PGR: variants seen among roughly 807,000 people sequenced by gnomAD.
The protein encoded by PGR is nuclear receptor subfamily 3 group C member 3.
Under a neutral mutation model 76.1 loss-of-function variants are expected in PGR, and 25 were observed. That is an observed-to-expected ratio of 0.33 (90% CI 0.24 to 0.46). The LOEUF (loss-of-function observed/expected upper bound fraction) is 0.46. Ranked by LOEUF, PGR falls within the 20% of genes least tolerant of loss-of-function variation. The pLI is 1.00. For missense variants in PGR, 1,172 were observed against 1,225.3 expected, an observed-to-expected ratio of 0.96 and a Z score of 0.65; for synonymous variants, 579 against 535.0, an observed-to-expected ratio of 1.08 and a Z score of -1.14.
At chr11:101,118,570 A>G (rs541920853) in intron 2 of PGR, among the ~76,000 whole-genome samples, 101 of 152,318 alleles carry the variant, frequency 6.6e-4, no homozygotes, top group Non-Finnish European at 7.4e-5. Flanking sequence ...AGTACACAAC[A>G]CAAGACGCTG....
At chr11:101,047,388 A>ATT (rs1232672872) in intron 6 of PGR, among the ~76,000 whole-genome samples, 1 of 152,182 alleles carries the variant, frequency 6.6e-6, no homozygotes, top group Non-Finnish European at 1.5e-5. Context: ...CTGTATTATT[A>ATT]AATGTATTCC....
chr11:101,114,788 G>A (rs1341262121), intron 2 of PGR, among the ~76,000 whole-genome samples: 1 of 151,912 alleles, frequency 6.6e-6, no homozygotes, highest in East Asian at 1.9e-4. Flanking sequence ...CAGGTCCTTA[G>A]TGCACCATCC....
chr11:101,052,929 A>T (rs1860148941), intron 4 of PGR, among the ~76,000 whole-genome samples: 1 of 152,190 alleles, frequency 6.6e-6, no homozygotes, highest in Non-Finnish European at 1.5e-5. Context: ...GGGAGAAAAT[A>T]GTTTTGGATA....
At chr11:101,121,534 T>C (rs1184598575) in intron 2 of PGR, among the ~76,000 whole-genome samples, 4 of 152,246 alleles carry the variant, frequency 2.6e-5, no homozygotes, top group Non-Finnish European at 4.4e-5. Flanking sequence ...TAAAAGTATT[T>C]CATTTCTGTC....
rs11224573 is a variant in PGR at position 101,050,166 on chromosome 11, A to C, written c.2358-107T>G. On this transcript the variant is annotated intron_variant, in intron 5 of 7. Coordinates refer to ENST00000325455, the MANE Select transcript of PGR (RefSeq NM_000926.4). ...AATATGGTTTTGGTAATTACCTTAC[A>C]TATTATTGAAAATGACTACTACTTT... 2,735 of 1,110,992 alleles carry C rather than the reference A, an allele frequency of 2.5e-3. 37 individuals carry two copies. The African/African-American group carries it at 0.035, about 14-fold the overall frequency. 68.8% of individuals were successfully genotyped at this position (1,110,992 alleles called of 1,614,324 possible).
At chr11:101,126,326 C>A (rs1021160739) in intron 1 of PGR, among the ~76,000 whole-genome samples, 168 bp from the exon 2 acceptor site, 1 of 152,188 alleles carries the variant, frequency 6.6e-6, no homozygotes, top group African/African-American at 2.4e-5. Flanking sequence ...CTATCCGTAA[C>A]TGGATTCACC....
chr11:101,109,191 A>G lies in PGR; in HGVS notation c.1789+16816T>C, dbSNP rs1020060139. On this transcript the variant is annotated intron_variant, in intron 2 of 7. Transcript: ENST00000325455. The stretch of plus-strand genomic sequence containing the variant: ...CAACAATATTGAAATCAGGCCAATT[A>G]ACAACCCTACAATGGCCTCTAAATG... Among the ~76,000 whole-genome samples, 11 of 152,206 alleles carry G rather than the reference A, an allele frequency of 7.2e-5. No individual in the cohort carries two copies. The South Asian group carries it at 8.3e-4, about 11-fold the overall frequency.
Position 101,114,336 on chromosome 11 carries a change from C to T in PGR, c.1789+11671G>A, listed in dbSNP as rs148321502. Among the ~76,000 whole-genome samples the T allele has an allele frequency of 3.5e-3, 534 of 152,208 alleles. 6 individuals are homozygous for T. The highest frequency in any genetic ancestry group is 8.3e-3 in the Admixed American group (127 of 15,286). On this transcript the variant is annotated intron_variant, in intron 2 of 7. Coordinates refer to ENST00000325455, the MANE Select transcript of PGR (RefSeq NM_000926.4). The stretch of plus-strand genomic sequence containing the variant: ...ATTTAACACAAATCCAGGCACAAAA[C>T]GGCATTATTTTTGGTATAAATTAAT...
intron 7 of PGR, 53 bp from the exon 8 acceptor site, chr11:101,039,324 A>G: frequency 7.6e-7 from 1 of 1,321,536 alleles, no homozygotes; most frequent in African/African-American, 1.5e-5. Context: ...ATAAATTCAT[A>G]TGCTATTCAA....
At chr11:101,070,942 C>T (rs1222636869) in intron 3 of PGR, among the ~76,000 whole-genome samples, 3 of 152,174 alleles carry the variant, frequency 2.0e-5, no homozygotes, top group African/African-American at 7.2e-5. Flanking sequence ...AAGAGACCAG[C>T]GGATCTCCCA....
chr11:101,081,342 T>C (rs2135439932), intron 3 of PGR, among the ~76,000 whole-genome samples: 1 of 151,602 alleles, frequency 6.6e-6, no homozygotes, highest in South Asian at 2.1e-4. Flanking sequence ...GGCAGGAGAA[T>C]CCATGGAACT....
rs553390822 is a variant in PGR, at chr11:101,049,111, C to CT, written c.2488+817dup. Among the ~76,000 whole-genome samples the CT allele has an allele frequency of 6.6e-3, 1,003 of 152,006 alleles. 11 individuals are homozygous for CT. Among genetic ancestry groups the CT allele is most frequent in the African/African-American group, 0.023 (945 of 41,502 alleles). ...TTAAATATTTTCTTTTTTGCTTAAA[C>CT]TTTTTTTAAAAAAACTAATACCCAA... On this transcript the variant is annotated intron_variant, in intron 6 of 7. Coordinates refer to ENST00000325455, the MANE Select transcript of PGR (RefSeq NM_000926.4).
At chr11:101,098,412 T>C (rs1472487815) in intron 2 of PGR, among the ~76,000 whole-genome samples, 8 of 152,076 alleles carry the variant, frequency 5.3e-5, no homozygotes, top group Admixed American at 3.3e-4. Context: ...ATAATATATG[T>C]TCAGTAGTTT....
At chr11:101,095,905 A>G (rs1447084294) in intron 2 of PGR, among the ~76,000 whole-genome samples, 1 of 152,188 alleles carries the variant, frequency 6.6e-6, no homozygotes, top group East Asian at 1.9e-4. Context: ...ATATTCTCAA[A>G]CTTGCATGAA....
intron 2 of PGR, among the ~76,000 whole-genome samples, chr11:101,120,368 G>A (rs1338410618): frequency 2.6e-5 from 4 of 152,170 alleles, no homozygotes; most frequent in Non-Finnish European, 5.9e-5. Flanking sequence ...CAGGTAGAAA[G>A]CTAATCATCT....
Position 101,031,540 on chromosome 11 carries a change from C to A in PGR, c.*7576G>T, listed in dbSNP as rs537170890. ...GCTCACCAGTGCTCCCTCCTCAGCT[C>A]CAAGGCTGTGGAGGGCTCATGAAGT... On this transcript the variant is annotated 3_prime_UTR_variant, in exon 8 of 8. Coordinates refer to ENST00000325455, the MANE Select transcript of PGR (RefSeq NM_000926.4). 49 of 227,526 alleles carry A rather than the reference C, an allele frequency of 2.2e-4. No individual in the cohort carries two copies. The highest frequency in any genetic ancestry group is 7.1e-4 in the African/African-American group (32 of 44,952). 14.1% of individuals were successfully genotyped at this position (227,526 alleles called of 1,614,324 possible).
intron 4 of PGR, among the ~76,000 whole-genome samples, chr11:101,058,784 T>G (rs1442881725): frequency 6.6e-6 from 1 of 152,200 alleles, no homozygotes; most frequent in African/African-American, 2.4e-5. Flanking sequence ...TACAGTAATT[T>G]TTAAGACCCT....
At chr11:101,067,543 A>G (rs1013864447) in intron 3 of PGR, among the ~76,000 whole-genome samples, 1 of 152,082 alleles carries the variant, frequency 6.6e-6, no homozygotes, top group Non-Finnish European at 1.5e-5. Context: ...ACAATCTAGC[A>G]TTATCTAGTA....
chr11:101,088,498 A>AT (rs1861569196), intron 3 of PGR, among the ~76,000 whole-genome samples: 1 of 151,886 alleles, frequency 6.6e-6, no homozygotes, highest in South Asian at 2.1e-4. Context: ...TGCCTGGCTA[A>AT]TTTTTTTGTG....
Sources: allele counts gnomAD v4.1 joint callset (sites outside exome capture counted in the v4.1 genomes callset), GRCh38; gene constraint gnomAD v4.1.1; transcripts MANE v1.5; gene names NCBI Gene and HGNC (gene_info 2026-07-23, HGNC 2026-07-21).